The following TMEM132D variants were observed in gnomAD, a reference collection of about 807,000 sequenced individuals.
The protein encoded by TMEM132D is mature OL transmembrane protein.
In TMEM132D, 21 loss-of-function variants were observed where a neutral mutation model predicts 62.3. That is an observed-to-expected ratio of 0.34 (90% confidence interval 0.24 to 0.49). The LOEUF is 0.49. Ranked by LOEUF, TMEM132D falls within the 20% of genes least tolerant of loss-of-function variation. The pLI is 0.99. For missense variants in TMEM132D, 1,346 were observed against 1,402.8 expected (o/e 0.96, Z 0.65); for synonymous variants, 621 against 575.6 (o/e 1.08, Z -1.13).
chr12:129,569,792 C>T (rs1435326231), intron 2 of TMEM132D, among the ~76,000 whole-genome samples: 1 of 152,064 alleles, frequency 6.6e-6, no homozygotes, highest in South Asian at 2.1e-4. Flanking sequence ...CTGAAATCTG[C>T]AAACAAAAGT....
intron 1 of TMEM132D, among the ~76,000 whole-genome samples, chr12:129,764,049 G>C (rs1231250753): frequency 6.6e-6 from 1 of 152,142 alleles, no homozygotes; most frequent in African/African-American, 2.4e-5. Flanking sequence ...CCCCAGCTTT[G>C]AGTATTGCCT....
intron 1 of TMEM132D, among the ~76,000 whole-genome samples, chr12:129,832,730 C>T (rs555455453): frequency 2.0e-5 from 3 of 152,250 alleles, no homozygotes; most frequent in East Asian, 3.9e-4. Flanking sequence ...CCATTCCGCC[C>T]GTCACTGTTG....
At chr12:129,227,322 T>TATATATATATATATATATATATATATAG (rs1879509093) in intron 4 of TMEM132D, among the ~76,000 whole-genome samples, 1 of 142,992 alleles carries the variant, frequency 7.0e-6, no homozygotes, top group Non-Finnish European at 1.5e-5. Context: ...TATATATATA[T>TATATATATATATATATATATATATATAG]ATATGGCGCA....
chr12:129,487,933 T>G (rs1432751952), intron 3 of TMEM132D, among the ~76,000 whole-genome samples: 1 of 58,292 alleles, frequency 1.7e-5, no homozygotes, highest in Non-Finnish European at 2.8e-5. Context: ...GGAGACTCCA[T>G]CTCAAAAAAA....
intron 2 of TMEM132D, among the ~76,000 whole-genome samples, chr12:129,638,814 G>T (rs1233595984): frequency 6.6e-6 from 1 of 151,892 alleles, no homozygotes; most frequent in Non-Finnish European, 1.5e-5. Flanking sequence ...AGCAGTCCCC[G>T]CAATTATGAA....
At chr12:129,610,557 T>A (rs1878745642) in intron 2 of TMEM132D, among the ~76,000 whole-genome samples, 1 of 152,172 alleles carries the variant, frequency 6.6e-6, no homozygotes, top group South Asian at 2.1e-4. Flanking sequence ...TGGCTCATTC[T>A]CGTGGGGTTG....
chr12:129,528,568 G>A (rs574133010), intron 3 of TMEM132D, among the ~76,000 whole-genome samples: 36 of 152,192 alleles, frequency 2.4e-4, no homozygotes, highest in African/African-American at 8.4e-4. Flanking sequence ...AGACTTCTTG[G>A]GACATAGTGT....
intron 5 of TMEM132D, among the ~76,000 whole-genome samples, chr12:129,145,633 A>G (rs547120704): frequency 4.6e-5 from 7 of 152,168 alleles, no homozygotes; most frequent in African/African-American, 1.4e-4. Flanking sequence ...TTCCATCTGG[A>G]TGTCCCCAAG....
In TMEM132D at chr12:129,097,819, T is replaced by C. The variant is rs971633991; in HGVS notation, c.1444-13117A>G. Reference sequence around the variant, plus strand: ...CGTTTAACTCAACATAATTCTTATGTCAAAAACACATATTTTTGGGTAACA... The same window carrying C: ...CGTTTAACTCAACATAATTCTTATGCCAAAAACACATATTTTTGGGTAACA... On this transcript the variant is annotated intron_variant, in intron 5 of 8. Coordinates refer to ENST00000422113, the MANE Select transcript of TMEM132D (RefSeq NM_133448.3). Among the ~76,000 whole-genome samples, 3 of 152,248 alleles carry C rather than the reference T, an allele frequency of 2.0e-5. No homozygotes were observed. The East Asian group carries it at 5.8e-4, about 29-fold the overall frequency.
intron 2 of TMEM132D, among the ~76,000 whole-genome samples, chr12:129,650,605 AT>A (rs1204395895): frequency 6.6e-6 from 1 of 152,198 alleles, no homozygotes; most frequent in East Asian, 1.9e-4. Context: ...GCTTCGTTTC[AT>A]CACCAACAAC....
At chr12:129,222,633 C>T (rs1240687961) in intron 4 of TMEM132D, among the ~76,000 whole-genome samples, 1 of 152,038 alleles carries the variant, frequency 6.6e-6, no homozygotes, top group Non-Finnish European at 1.5e-5. Flanking sequence ...TTTATAATTT[C>T]AAGGAAATAC....
intron 1 of TMEM132D, among the ~76,000 whole-genome samples, chr12:129,717,441 C>A (rs952726457): frequency 6.0e-5 from 9 of 150,602 alleles, no homozygotes; most frequent in Non-Finnish European, 1.3e-4. Context: ...GGCAGAAAAT[C>A]TAAGCAATTT....
At chr12:129,896,909 A>G (rs1225665169) in intron 1 of TMEM132D, among the ~76,000 whole-genome samples, 1 of 152,146 alleles carries the variant, frequency 6.6e-6, no homozygotes, top group Non-Finnish European at 1.5e-5. Flanking sequence ...ATCTGTTCTA[A>G]AACTATGTAC....
intron 4 of TMEM132D, among the ~76,000 whole-genome samples, chr12:129,300,323 T>C (rs951776357): frequency 2.0e-5 from 3 of 152,170 alleles, no homozygotes; most frequent in African/African-American, 7.2e-5. Context: ...GCCATACAAA[T>C]GGGAACGTCA....
chr12:129,778,678 C>T lies in TMEM132D; in HGVS notation c.80-77980G>A, dbSNP rs1423149914. Among the ~76,000 whole-genome samples, 7 of 152,286 alleles carry T rather than the reference C, an allele frequency of 4.6e-5. No homozygotes were observed. The East Asian group carries it at 1.2e-3, about 25-fold the overall frequency. ...GGAATTGGTGACTGTAAACAATAAT[C>T]GTAGCTTGAACTCTGACCCCGGCAT... On this transcript the variant is annotated intron_variant, in intron 1 of 8. Transcript: ENST00000422113.
At chr12:129,789,506 C>G (rs1319351863) in intron 1 of TMEM132D, among the ~76,000 whole-genome samples, 1 of 152,146 alleles carries the variant, frequency 6.6e-6, no homozygotes, top group Non-Finnish European at 1.5e-5. Context: ...GTGGATAAGT[C>G]AAATGCAGTA....
chr12:129,582,816 G>C (rs1489840619), intron 2 of TMEM132D, among the ~76,000 whole-genome samples: 1 of 152,062 alleles, frequency 6.6e-6, no homozygotes, highest in Non-Finnish European at 1.5e-5. Flanking sequence ...GTAGAAACAG[G>C]GTTTCACCAT....
chr12:129,242,188 A>C (rs1879955646), intron 4 of TMEM132D, among the ~76,000 whole-genome samples: 1 of 152,258 alleles, frequency 6.6e-6, no homozygotes, highest in Non-Finnish European at 1.5e-5. Flanking sequence ...ATGGGGTTTT[A>C]CAACTTCTCT....
chr12:129,090,070 T>C (rs947258001), intron 5 of TMEM132D, among the ~76,000 whole-genome samples: 10 of 152,176 alleles, frequency 6.6e-5, no homozygotes, highest in African/African-American at 2.4e-4. Flanking sequence ...GCAGTCAATG[T>C]ATGAGAGCAG....
Sources: gnomAD v4.1 joint callset for allele counts (sites outside exome capture counted in the v4.1 genomes callset) on GRCh38, gnomAD v4.1.1 for gene constraint, MANE v1.5 for transcripts, NCBI Gene and HGNC (gene_info 2026-07-23, HGNC 2026-07-21) for gene names.